Variants in SLC37A2 observed in about 807,000 individuals in gnomAD.
SLC37A2 encodes glucose-6-phosphate exchanger SLC37A2.
SLC37A2 carries 59 observed loss-of-function variants against 70.7 expected under a neutral mutation model. That is an observed-to-expected ratio of 0.83 (90% CI 0.68 to 1.04). SLC37A2 has a LOEUF of 1.04. Ranked by LOEUF, SLC37A2 falls within the 50% of genes least tolerant of loss-of-function variation. The pLI is 0.00. For missense variants in SLC37A2, 580 were observed against 658.1 expected (o/e 0.88, Z 1.30); for synonymous variants, 257 against 262.1 (o/e 0.98, Z 0.19).
chr11:125,084,368 T>C (rs1305636257), intron 12 of SLC37A2, 49 bp downstream of exon 12: 1 of 1,587,404 alleles, frequency 6.3e-7, no homozygotes, highest in Admixed American at 1.7e-5. Flanking sequence ...AGCAGGAGCC[T>C]GTGTGGGCCT....
chr11:125,081,968 A>G (rs1949156010), intron 9 of SLC37A2, 62 bp downstream of exon 9: 19 of 1,533,406 alleles, frequency 1.2e-5, no homozygotes, highest in Non-Finnish European at 1.7e-5. Flanking sequence ...GTTGGTGATG[A>G]GGAGATGGGG....
chr11:125,085,844 C>T (rs1322371396), intron 16 of SLC37A2, 110 bp from the exon 17 acceptor site: 44 of 1,254,842 alleles, frequency 3.5e-5, no homozygotes, highest in Non-Finnish European at 4.2e-5. Flanking sequence ...CAAGTGGCAG[C>T]GTGTCTCTCC....
rs1473556927 is a variant in SLC37A2 at position 125,089,698 on chromosome 11, G to A, written c.*1564G>A. On this transcript the variant is annotated 3_prime_UTR_variant, in exon 18 of 18. Transcript: ENST00000403796. ...AGCAGTGCCGGCCCACCTGCGCTGT[G>A]CTTGATTTCTCGCTGGGCCTTAGCT... 5 of 153,288 alleles carry A rather than the reference G, an allele frequency of 3.3e-5. No homozygotes were observed. The highest frequency in any genetic ancestry group is 6.5e-5 in the Admixed American group (1 of 15,296). 9.5% of individuals were successfully genotyped at this position (153,288 alleles called of 1,614,324 possible).
At chr11:125,075,106 C>T (rs1444619997) in intron 1 of SLC37A2, among the ~76,000 whole-genome samples, 1 of 152,214 alleles carries the variant, frequency 6.6e-6, no homozygotes, top group African/African-American at 2.4e-5. Context: ...GGAGGTTACA[C>T]AGGCAATTAG....
intron 4 of SLC37A2, among the ~76,000 whole-genome samples, chr11:125,078,243 A>C (rs371252527): frequency 1.3e-5 from 2 of 152,248 alleles, no homozygotes; most frequent in Admixed American, 6.5e-5. Context: ...GGAGGGAATG[A>C]CAGTGTAAGG....
In SLC37A2 at chr11:125,081,425, A is replaced by G. The variant is rs760072235; in HGVS notation, c.699A>G (p.Pro233=). 1.2e-6 allele frequency: 2 copies of G among 1,606,388 alleles called. No individual in the cohort carries two copies. The highest frequency in any genetic ancestry group is 1.7e-6 in the Non-Finnish European group (2 of 1,176,094). Residue 233 remains proline (P), a synonymous_variant, in exon 8 of 18, where the codon CCA becomes CCG. Coordinates refer to ENST00000403796, the MANE Select transcript of SLC37A2 (RefSeq NM_001145290.2). ...VITFLFLIEH[P]EDVDCAPPQH... is the part of the protein sequence containing the mutation. ...GAAAGCGATTTTTTTTTCTAGACCC[A>G]GAAGATGTGGACTGCGCCCCTCCTC...
chr11:125,085,471 T>A lies in SLC37A2; in HGVS notation c.1325T>A (p.Ile442Lys). The A allele has an allele frequency of 6.2e-7, 1 of 1,613,930 alleles. No homozygotes were observed. Among genetic ancestry groups the A allele is most frequent in the South Asian group, 1.1e-5 (1 of 91,070 alleles). ...GCCATCATTGACGGCACCGGCTCCA[T>A]AGGTCTGTGACTCTAGCTCTGTTGT... ...VTAIIDGTGS[I>K]GAALGPLLAG... The change falls in exon 15 of 18, where the codon ATA becomes AAA. Residue 442 changes from isoleucine to lysine, a missense_variant and splice_region_variant. Transcript: ENST00000403796.
At position 125,077,597 on chromosome 11, in the gene SLC37A2, C is replaced by G. The variant is rs191910872; in HGVS notation, c.314+69C>G. ...AGAGCTGCTACCTCCCCTTAAGGAA[C>G]CTGGGGGCAGCTGGGAATGAGCCCA... On this transcript the variant is annotated intron_variant, in intron 4 of 17. Transcript: ENST00000403796. 6.5e-3 allele frequency: 8,089 copies of G among 1,253,906 alleles called. 36 individuals are homozygous for G. Among genetic ancestry groups the G allele is most frequent in the Non-Finnish European group, 8.2e-3 (7,193 of 881,806 alleles). 77.7% of individuals were successfully genotyped at this position (1,253,906 alleles called of 1,614,324 possible). A position where few individuals can be genotyped will look rare whatever the true frequency, so the allele number is the denominator to read the frequency against.
At chr11:125,077,816 G>A (rs1241963924) in intron 4 of SLC37A2, among the ~76,000 whole-genome samples, 1 of 152,192 alleles carries the variant, frequency 6.6e-6, no homozygotes, top group Non-Finnish European at 1.5e-5. Flanking sequence ...TTTAAGAATG[G>A]CCCTGCGTGC....
chr11:125,076,146 G>A (rs1245813930), intron 1 of SLC37A2, among the ~76,000 whole-genome samples: 1 of 152,116 alleles, frequency 6.6e-6, no homozygotes, highest in Admixed American at 6.5e-5. Flanking sequence ...GCACGTGTGT[G>A]AGCCACAGAT....
In SLC37A2 at chr11:125,080,777, G is replaced by C. The variant is rs553813598; in HGVS notation, c.691G>C (p.Glu231Gln). The C allele has an allele frequency of 4.1e-6, 6 of 1,472,156 alleles. No individual in the cohort carries two copies. Among genetic ancestry groups the C allele is most frequent in the Non-Finnish European group, 4.5e-6 (5 of 1,103,470 alleles). The allele number at this position is 1,472,156 out of a possible 1,614,324, so 91.2% of individuals were successfully genotyped here. The change falls in exon 7 of 18, where the codon GAA becomes CAA. Residue 231 changes from glutamate to glutamine, a missense_variant. Physicochemically the swap from Glu to Gln is conservative, Grantham distance 29. Coordinates refer to ENST00000403796, the MANE Select transcript of SLC37A2 (RefSeq NM_001145290.2). This position sits in a 1 kb window ranked among gnomAD's most constrained non-coding sequence, Gnocchi z 4.3. ...MGVITFLFLIEHPEDVDCAPP... is the reference protein window; with the variant it reads ...MGVITFLFLIQHPEDVDCAPP... ...CGTCATCACCTTCCTCTTCCTCATC[G>C]AACGTGAGTGGGCCCCTCACTCCCC... is the stretch of plus-strand genomic sequence containing the variant.
Position 125,080,200 on chromosome 11 carries a change from C to T in SLC37A2, c.528-414C>T, listed in dbSNP as rs1949131751. Among the ~76,000 whole-genome samples the T allele has an allele frequency of 1.3e-5, 2 of 152,180 alleles. No individual in the cohort carries two copies. The highest frequency in any genetic ancestry group is 1.3e-4 in the Admixed American group (2 of 15,286). On this transcript the variant is annotated intron_variant, in intron 6 of 17. Transcript: ENST00000403796. The surrounding 1 kb of genome is among the most constrained non-coding windows in gnomAD (Gnocchi z 4.3). ...AGTAGTAGCCTTCCTGGCATCTGCT[C>T]ACTGGATGCCATAGCACACCCTGAG...
chr11:125,079,097 C>G lies in SLC37A2; in HGVS notation c.315-15C>G. 6.2e-7 allele frequency: 1 copy of G among 1,614,078 alleles called. No homozygotes were observed. The highest frequency in any genetic ancestry group is 2.2e-5 in the East Asian group (1 of 44,884). The stretch of plus-strand genomic sequence containing the variant: ...CAGAGGAGCTTAACCGCAGATCCAA[C>G]TTTCTCTTCCCCAGTGGGGTTTTTG... On this transcript the variant is annotated splice_polypyrimidine_tract_variant and intron_variant, in intron 4 of 17. Coordinates refer to ENST00000403796, the MANE Select transcript of SLC37A2 (RefSeq NM_001145290.2).
At position 125,080,615 on chromosome 11, in the gene SLC37A2, C is replaced by A; in HGVS notation, c.529C>A (p.Arg177=). Residue 177 remains arginine (R), a splice_region_variant and synonymous_variant, in exon 7 of 18, where the codon CGG becomes AGG. Transcript: ENST00000403796. This position sits in a 1 kb window ranked among gnomAD's most constrained non-coding sequence, Gnocchi z 4.3. ...TTCCCTTCTCTCCCTCCCTTCCAGG[C>A]GGGGGTTCATCATGGGCATCTGGAA... is the stretch of plus-strand genomic sequence containing the variant. The part of the protein sequence containing the change: ...CVGNWFGKGK[R]GFIMGIWNSH... The A allele has an allele frequency of 6.7e-7, 1 of 1,492,878 alleles. No individual in the cohort carries two copies. Among genetic ancestry groups the A allele is most frequent in the South Asian group, 1.3e-5 (1 of 74,598 alleles). 92.5% of individuals were successfully genotyped at this position (1,492,878 alleles called of 1,614,324 possible). A position where few individuals can be genotyped will look rare whatever the true frequency, so the allele number is the denominator to read the frequency against.
chr11:125,083,734 C>T lies in SLC37A2; in HGVS notation c.977-81C>T. 1.6e-6 allele frequency: 2 copies of T among 1,284,390 alleles called. No homozygotes were observed. 79.6% of individuals were successfully genotyped at this position (1,284,390 alleles called of 1,614,324 possible). On this transcript the variant is annotated intron_variant, in intron 10 of 17. Coordinates refer to ENST00000403796, the MANE Select transcript of SLC37A2 (RefSeq NM_001145290.2). This position sits in a 1 kb window ranked among gnomAD's most constrained non-coding sequence, Gnocchi z 4.6. The stretch of plus-strand genomic sequence containing the variant: ...AAAGGGGGCAGTGGTCTGGATCACG[C>T]TCTGCAGGGCTTCTAGCTGTGACAC...
chr11:125,080,777 G>T lies in SLC37A2; in HGVS notation c.691G>T (p.Glu231Ter), dbSNP rs553813598. Reference sequence around the variant, plus strand: ...CGTCATCACCTTCCTCTTCCTCATCGAACGTGAGTGGGCCCCTCACTCCCC... The same window carrying T: ...CGTCATCACCTTCCTCTTCCTCATCTAACGTGAGTGGGCCCCTCACTCCCC... ...MGVITFLFLI[E>*]HPEDVDCAPP... The change falls in exon 7 of 18, where the codon GAA (glutamate) becomes TAA (stop). Residue 231 changes from glutamate (E) to a stop codon, truncating the protein, a stop_gained. Transcript: ENST00000403796. LOFTEE classifies it high-confidence loss of function. This position sits in a 1 kb window ranked among gnomAD's most constrained non-coding sequence, Gnocchi z 4.3. 1 of 1,472,274 alleles carries T rather than the reference G, an allele frequency of 6.8e-7. No individual in the cohort carries two copies. Among genetic ancestry groups the T allele is most frequent in the Non-Finnish European group, 9.1e-7 (1 of 1,103,462 alleles). The allele number at this position is 1,472,274 out of a possible 1,614,324, so 91.2% of individuals were successfully genotyped here. A position where few individuals can be genotyped will look rare whatever the true frequency, so the allele number is the denominator to read the frequency against.
rs1473442775 is a variant in SLC37A2 at position 125,087,928 on chromosome 11, G to A, written c.1491-191G>A. Reference sequence around the variant, plus strand: ...ATTACAGGTGTGAGCCACCGCGCCCGGCCAGGTTTTAAATATTAATCTAGC... The same window carrying A: ...ATTACAGGTGTGAGCCACCGCGCCCAGCCAGGTTTTAAATATTAATCTAGC... On this transcript the variant is annotated intron_variant, in intron 17 of 17. Transcript: ENST00000403796. 3.7e-5 allele frequency: 23 copies of A among 617,906 alleles called. No homozygotes were observed. The Middle Eastern group carries it at 1.9e-3, about 50-fold the overall frequency. The allele number at this position is 617,906 out of a possible 1,614,324, so 38.3% of individuals were successfully genotyped here.
intron 2 of SLC37A2, 27 bp downstream of exon 2, chr11:125,076,865 G>A: frequency 1.2e-6 from 2 of 1,610,456 alleles, no homozygotes; most frequent in South Asian, 1.1e-5. Flanking sequence ...GCAAGGAAGA[G>A]TGCAGAAGCA....
chr11:125,074,291 T>C (rs1380622440), intron 1 of SLC37A2, among the ~76,000 whole-genome samples: 2 of 151,938 alleles, frequency 1.3e-5, no homozygotes, highest in African/African-American at 4.8e-5. Flanking sequence ...GTGTCATCTC[T>C]GTAAGAGAGA....
Sources: gnomAD v4.1 joint callset for allele counts (sites outside exome capture counted in the v4.1 genomes callset) on GRCh38, gnomAD v4.1.1 for gene constraint, Gnocchi (gnomAD v3.1) non-coding constraint, MANE v1.5 for transcripts, NCBI Gene and HGNC (gene_info 2026-07-23, HGNC 2026-07-21) for gene names.